CCT7: variants seen among roughly 807,000 people sequenced by gnomAD.
CCT7 encodes the protein T-complex protein 1 subunit eta.
In CCT7, 16 loss-of-function variants were observed where a neutral mutation model predicts 56.6. That is an observed-to-expected ratio of 0.28 (90% CI 0.19 to 0.43). The LOEUF is 0.43. Among genes scored for constraint, CCT7 ranks in the 20% least tolerant of loss-of-function variants. The pLI is 1.00. For synonymous variants in CCT7, 262 were observed against 254.8 expected (o/e 1.03, Z -0.27); for missense variants, 519 against 685.6 (o/e 0.76, Z 2.71).
intron 5 of CCT7, 25 bp from the exon 6 acceptor site, chr2:73,244,519 T>A (rs747009697): frequency 8.8e-6 from 14 of 1,589,998 alleles, no homozygotes; most frequent in Non-Finnish European, 1.2e-5. Context: ...CAAGACCTGA[T>A]GCAGATTCTG....
At position 73,244,065 on chromosome 2, in the gene CCT7, G is replaced by GT. The variant is rs11289471; in HGVS notation, c.446+33dup. 0.16 allele frequency: 215,062 copies of GT among 1,358,108 alleles called. 16 individuals are homozygous for GT. Among genetic ancestry groups the GT allele is most frequent in the Non-Finnish European group, 0.17 (172,720 of 999,154 alleles). 84.1% of individuals were successfully genotyped at this position (1,358,108 alleles called of 1,614,324 possible). A position where few individuals can be genotyped will look rare whatever the true frequency, so the allele number is the denominator to read the frequency against. On this transcript the variant is annotated intron_variant, in intron 5 of 11. Transcript: ENST00000258091. Reference sequence around the variant, plus strand: ...CAGATAAAGTGTAAGTCTGTAGTGGGTTTTTTTTTTTTTTTTTAAAGAGAC... The same window carrying GT: ...CAGATAAAGTGTAAGTCTGTAGTGGGTTTTTTTTTTTTTTTTTTAAAGAGAC...
chr2:73,251,470 G>T, intron 11 of CCT7, 38 bp downstream of exon 11: 1 of 1,424,836 alleles, frequency 7.0e-7, no homozygotes, highest in South Asian at 1.2e-5. Context: ...GGGTTTGGGC[G>T]GGTGGGGCTA....
chr2:73,243,258 C>G (rs1687192406), intron 4 of CCT7, 129 bp downstream of exon 4: 2 of 940,046 alleles, frequency 2.1e-6, no homozygotes, highest in African/African-American at 3.3e-5. Flanking sequence ...CTGACATCTC[C>G]TTAGTAATCT....
intron 5 of CCT7, chr2:73,244,323 C>T (rs1687240098): frequency 5.0e-6 from 3 of 600,820 alleles, no homozygotes; most frequent in Non-Finnish European, 8.7e-6. Flanking sequence ...GCCCACAGAG[C>T]ACAAAAGAAG....
At position 73,234,511 on chromosome 2, in the gene CCT7, G is replaced by C. The variant is rs1049881189; in HGVS notation, c.6+127G>C. ...GCCTCTGTCCTCGCCCAGATCCCCA[G>C]CTTAGGGGCGACCCCAGCCAGCCGC... On this transcript the variant is annotated intron_variant, in intron 1 of 11. Coordinates refer to ENST00000258091, the MANE Select transcript of CCT7 (RefSeq NM_006429.4). The C allele has an allele frequency of 7.0e-6, 8 of 1,147,094 alleles. No homozygotes were observed. In the East Asian group the frequency reaches 2.1e-4, roughly 29 times the overall value. 71.1% of individuals were successfully genotyped at this position (1,147,094 alleles called of 1,614,324 possible). A position where few individuals can be genotyped will look rare whatever the true frequency, so the allele number is the denominator to read the frequency against.
chr2:73,249,992 A>G (rs1687502505), intron 9 of CCT7, 76 bp downstream of exon 9: 2 of 1,017,998 alleles, frequency 2.0e-6, no homozygotes, highest in Non-Finnish European at 3.1e-6. Context: ...TGTGGTATAC[A>G]GCTTTTACAA....
At chr2:73,240,620 T>G (rs952364263) in intron 3 of CCT7, 77 bp downstream of exon 3, 3 of 719,164 alleles carry the variant, frequency 4.2e-6, no homozygotes, top group African/African-American at 1.8e-5. Flanking sequence ...CTATTAAATT[T>G]TTTTAAGATT....
chr2:73,250,548 C>T (rs1460103521), intron 10 of CCT7, 110 bp downstream of exon 10: 28 of 1,306,554 alleles, frequency 2.1e-5, no homozygotes, highest in Non-Finnish European at 2.0e-5. Context: ...CTGCCCTTTC[C>T]TGGGTGGTGT....
chr2:73,240,442 G>A lies in CCT7; in HGVS notation c.166G>A (p.Ala56Thr). Residue 56 changes from alanine (A) to threonine (T), a missense_variant, in exon 3 of 12, where the codon GCA (alanine) becomes ACA (threonine). Ala to Thr is a moderately conservative substitution (Grantham distance 58, BLOSUM62 0). Coordinates refer to ENST00000258091, the MANE Select transcript of CCT7 (RefSeq NM_006429.4). ...TTTTGTTTGTTTCTTTTAAGGCAAA[G>A]CAACAATTTCTAATGATGGGGCCAC... ...DKLIVDGRGKATISNDGATIL... is the reference protein window; with the variant it reads ...DKLIVDGRGKTTISNDGATIL... 1 of 1,609,910 alleles carries A rather than the reference G, an allele frequency of 6.2e-7. No homozygotes were observed. Among genetic ancestry groups the A allele is most frequent in the Non-Finnish European group, 8.5e-7 (1 of 1,177,680 alleles).
At chr2:73,234,464 G>A (rs1558559440) in intron 1 of CCT7, 80 bp downstream of exon 1, 3 of 1,519,520 alleles carry the variant, frequency 2.0e-6, no homozygotes, top group East Asian at 2.3e-5. Flanking sequence ...GGCTTGCTCT[G>A]TAGGACCCTC....
At chr2:73,251,200 A>T (rs757048066) in intron 10 of CCT7, 26 bp from the exon 11 acceptor site, 6 of 1,609,474 alleles carry the variant, frequency 3.7e-6, no homozygotes, top group Non-Finnish European at 5.1e-6. Flanking sequence ...GCCCTCTTAC[A>T]TTGAGAGGTG....
rs1037028362 is a variant in CCT7 at position 73,240,490 on chromosome 2, G to A, written c.214G>A (p.Val72Ile). The change falls in exon 3 of 12, where the codon GTC (valine) becomes ATC (isoleucine). Residue 72 changes from valine to isoleucine, a missense_variant. Coordinates refer to ENST00000258091, the MANE Select transcript of CCT7 (RefSeq NM_006429.4). Reference protein sequence around the residue: ...GATILKLLDVVHPAAKTLVDI... With the variant: ...GATILKLLDVIHPAAKTLVDI... ...CACAATTCTGAAACTTCTTGATGTT[G>A]TCCATCCTGCAGCAAAGACTTTGGT... 8 of 1,612,020 alleles carry A rather than the reference G, an allele frequency of 5.0e-6. No individual in the cohort carries two copies. In the African/African-American group the frequency reaches 9.4e-5, roughly 19 times the overall value.
rs1426611996 is a variant in CCT7, at chr2:73,242,874, C to A, written c.268-130C>A. Reference sequence around the variant, plus strand: ...TTTCTACTTATTGCAAAAACCTGTGCTTCCAGAAAAAAGCTTGACATCCAT... The same window carrying A: ...TTTCTACTTATTGCAAAAACCTGTGATTCCAGAAAAAAGCTTGACATCCAT... On this transcript the variant is annotated intron_variant, in intron 3 of 11. Coordinates refer to ENST00000258091, the MANE Select transcript of CCT7 (RefSeq NM_006429.4). 7 of 1,100,464 alleles carry A rather than the reference C, an allele frequency of 6.4e-6. No individual in the cohort carries two copies. The African/African-American group carries it at 1.1e-4, about 17-fold the overall frequency. 68.2% of individuals were successfully genotyped at this position (1,100,464 alleles called of 1,614,324 possible).
At chr2:73,244,820 T>C (rs554282112) in intron 6 of CCT7, 105 bp downstream of exon 6, 1 of 827,846 alleles carries the variant, frequency 1.2e-6, no homozygotes, top group African/African-American at 1.7e-5. Flanking sequence ...AGAGAATGCA[T>C]GTTAGGCAGG....
chr2:73,252,535 T>A, intron 11 of CCT7, 105 bp from the exon 12 acceptor site: 1 of 854,018 alleles, frequency 1.2e-6, no homozygotes, highest in East Asian at 2.5e-5. Context: ...GCCACCAAGT[T>A]CAGAGAGTCT....
At chr2:73,248,821 C>T (rs545569215) in intron 7 of CCT7, among the ~76,000 whole-genome samples, 170 bp from the exon 8 acceptor site, 1 of 152,306 alleles carries the variant, frequency 6.6e-6, no homozygotes, top group South Asian at 2.1e-4. Flanking sequence ...TAAGTCATCT[C>T]ATGGGGTCCT....
chr2:73,240,527 A>G lies in CCT7; in HGVS notation c.251A>G (p.Lys84Arg). Residue 84 changes from lysine (K) to arginine (R), a missense_variant, in exon 3 of 12, where the codon AAA becomes AGA. Coordinates refer to ENST00000258091, the MANE Select transcript of CCT7 (RefSeq NM_006429.4). ...GCAAAGACTTTGGTAGACATTGCCA[A>G]ATCCCAAGATGCTGAGGTAGGAAAA... ...PAAKTLVDIA[K>R]SQDAEVGDGT... 1 of 1,602,012 alleles carries G rather than the reference A, an allele frequency of 6.2e-7. No homozygotes were observed. The highest frequency in any genetic ancestry group is 1.1e-5 in the South Asian group (1 of 89,740).
intron 2 of CCT7, 95 bp from the exon 3 acceptor site, chr2:73,240,342 C>G (rs529022545): frequency 2.6e-6 from 2 of 773,456 alleles, no homozygotes; most frequent in East Asian, 2.6e-5. Flanking sequence ...GTGATCCCCT[C>G]TGCCCCATCC....
At chr2:73,244,119 C>A in intron 5 of CCT7, 70 bp downstream of exon 5, 1 of 1,425,008 alleles carries the variant, frequency 7.0e-7, no homozygotes, top group South Asian at 1.3e-5. Context: ...CCAGGCTAGT[C>A]TTGAACTACT....
Sources: allele counts gnomAD v4.1 joint callset (sites outside exome capture counted in the v4.1 genomes callset), GRCh38; gene constraint gnomAD v4.1.1; transcripts MANE v1.5; gene names NCBI Gene and HGNC (gene_info 2026-07-23, HGNC 2026-07-21).